Variants in LRP1B observed in about 807,000 individuals in gnomAD.
LRP1B encodes low-density lipoprotein receptor-related protein 1B.
Under a neutral mutation model 556.6 loss-of-function variants are expected in LRP1B, and 217 were observed. The observed-to-expected ratio is 0.39, with a 90% CI of 0.35 to 0.44. LRP1B has a LOEUF of 0.44. Among genes scored for constraint, LRP1B ranks in the 20% least tolerant of loss-of-function variants. The pLI is 1.00. For synonymous variants in LRP1B, 2,047 were observed against 1,865.8 expected (o/e 1.10, Z -2.50); for missense variants, 5,053 against 5,620.8 (o/e 0.90, Z 3.23).
chr2:141,073,718 A>G (rs1699706725), intron 7 of LRP1B, among the ~76,000 whole-genome samples: 1 of 151,970 alleles, frequency 6.6e-6, no homozygotes, highest in Non-Finnish European at 1.5e-5. Context: ...ACTTTGGCAA[A>G]AAGCGCTTCC....
At chr2:141,316,714 G>A (rs547741404) in intron 3 of LRP1B, among the ~76,000 whole-genome samples, 238 of 152,320 alleles carry the variant, frequency 1.6e-3, no homozygotes, top group Non-Finnish European at 2.8e-3. Context: ...TATATCCTCA[G>A]TAAGCAGAAT....
At chr2:141,569,372 C>T (rs1347831949) in intron 2 of LRP1B, among the ~76,000 whole-genome samples, 3 of 150,458 alleles carry the variant, frequency 2.0e-5, no homozygotes, top group African/African-American at 4.9e-5. Context: ...GAAAGGCATT[C>T]CAGTTGAGAA....
chr2:141,613,981 G>A (rs1388662513), intron 2 of LRP1B, among the ~76,000 whole-genome samples: 1 of 134,330 alleles, frequency 7.4e-6, no homozygotes, highest in Non-Finnish European at 1.5e-5. Flanking sequence ...GCTGAGGCAG[G>A]AGAATTGATT....
intron 1 of LRP1B, among the ~76,000 whole-genome samples, chr2:142,004,612 G>C (rs894973856): frequency 1.3e-5 from 2 of 152,116 alleles, no homozygotes; most frequent in Non-Finnish European, 2.9e-5. Flanking sequence ...TTGGGAGGCT[G>C]AGGGGGGTGG....
chr2:140,624,005 A>G (rs1312339319), intron 41 of LRP1B, among the ~76,000 whole-genome samples: 1 of 117,594 alleles, frequency 8.5e-6, no homozygotes, highest in Admixed American at 9.6e-5. Context: ...CTGTTAAAAC[A>G]TATTTTGAAA....
intron 3 of LRP1B, among the ~76,000 whole-genome samples, chr2:141,416,299 T>C (rs763488879): frequency 7.2e-5 from 11 of 152,142 alleles, no homozygotes; most frequent in Non-Finnish European, 1.3e-4. Flanking sequence ...TGACCTTGGC[T>C]AATTACTTAA....
intron 2 of LRP1B, among the ~76,000 whole-genome samples, chr2:141,702,537 A>G (rs978092611): frequency 7.3e-5 from 11 of 151,590 alleles, no homozygotes; most frequent in Non-Finnish European, 8.8e-5. Context: ...GCTGCCAGTT[A>G]ATAGACCTTT....
intron 41 of LRP1B, among the ~76,000 whole-genome samples, chr2:140,610,048 G>T (rs1382786687): frequency 1.2e-4 from 18 of 146,584 alleles, no homozygotes; most frequent in East Asian, 2.0e-4. Flanking sequence ...ACTCAGGTTT[G>T]TTTTTTTTTT....
chr2:141,122,469 C>T (rs1011833524), intron 7 of LRP1B, among the ~76,000 whole-genome samples: 3 of 149,758 alleles, frequency 2.0e-5, no homozygotes, highest in Non-Finnish European at 3.0e-5. Flanking sequence ...CAAAAGAAGA[C>T]ATTTATGCAG....
intron 43 of LRP1B, among the ~76,000 whole-genome samples, chr2:140,568,653 A>C (rs1158166669): frequency 3.3e-5 from 5 of 152,104 alleles, no homozygotes; most frequent in Non-Finnish European, 5.9e-5. Flanking sequence ...AAATATATTC[A>C]ACTCAAAAAA....
intron 1 of LRP1B, among the ~76,000 whole-genome samples, chr2:141,851,629 T>C (rs758987989): frequency 6.6e-6 from 1 of 151,802 alleles, no homozygotes; most frequent in Non-Finnish European, 1.5e-5. Flanking sequence ...CAGATGGGCA[T>C]TGAGTACCTT....
intron 43 of LRP1B, among the ~76,000 whole-genome samples, chr2:140,598,402 G>T (rs1682524823): frequency 6.6e-6 from 1 of 152,102 alleles, no homozygotes; most frequent in Non-Finnish European, 1.5e-5. Flanking sequence ...TCCAGAAAAA[G>T]TTTATGTGTT....
intron 7 of LRP1B, among the ~76,000 whole-genome samples, chr2:141,150,871 G>T (rs1024985824): frequency 8.9e-6 from 1 of 111,960 alleles, no homozygotes; most frequent in Non-Finnish European, 1.8e-5. Context: ...ATGCTGGTTT[G>T]TGTGTGTGTG....
At chr2:141,956,056 T>C (rs907925200) in intron 1 of LRP1B, among the ~76,000 whole-genome samples, 4 of 151,832 alleles carry the variant, frequency 2.6e-5, no homozygotes, top group Non-Finnish European at 5.9e-5. Flanking sequence ...AAAAAATCCC[T>C]GAAGTTATCT....
Position 141,873,650 on chromosome 2 carries a change from T to G in LRP1B, c.83-63249A>C, listed in dbSNP as rs1698663189. On this transcript the variant is annotated intron_variant, in intron 1 of 90. Coordinates refer to ENST00000389484, the MANE Select transcript of LRP1B (RefSeq NM_018557.3). Reference sequence around the variant, plus strand: ...AATAGCAAGAAGCACACTTAGTGCCTGTGTATTGCCTTTTAAAAAGAACCA... The same window carrying G: ...AATAGCAAGAAGCACACTTAGTGCCGGTGTATTGCCTTTTAAAAAGAACCA... Among the ~76,000 whole-genome samples, 3 of 152,136 alleles carry G rather than the reference T, an allele frequency of 2.0e-5. No individual in the cohort carries two copies. The South Asian group carries it at 6.2e-4, about 31-fold the overall frequency.
At chr2:140,627,309 C>A (rs573848985) in intron 41 of LRP1B, among the ~76,000 whole-genome samples, 9 of 152,232 alleles carry the variant, frequency 5.9e-5, no homozygotes, top group African/African-American at 2.2e-4. Context: ...GGCAGACACA[C>A]CCTAATCTGA....
chr2:141,140,841 G>A (rs922195315), intron 7 of LRP1B, among the ~76,000 whole-genome samples: 1 of 152,010 alleles, frequency 6.6e-6, no homozygotes, highest in African/African-American at 2.4e-5. Context: ...ACTGAGATAA[G>A]CATGTAAATA....
chr2:141,387,571 A>T (rs2104898824), intron 3 of LRP1B, among the ~76,000 whole-genome samples: 1 of 152,296 alleles, frequency 6.6e-6, no homozygotes, highest in South Asian at 2.1e-4. Context: ...AGATAAAGTG[A>T]ACAAATTCCT....
intron 83 of LRP1B, among the ~76,000 whole-genome samples, chr2:140,311,857 A>G (rs1481921013): frequency 6.6e-6 from 1 of 151,936 alleles, no homozygotes; most frequent in Non-Finnish European, 1.5e-5. Context: ...TTAAGATATC[A>G]GTTAGGTGAC....
Sources: gnomAD v4.1 joint callset for allele counts (sites outside exome capture counted in the v4.1 genomes callset) on GRCh38, gnomAD v4.1.1 for gene constraint, MANE v1.5 for transcripts, NCBI Gene and HGNC (gene_info 2026-07-23, HGNC 2026-07-21) for gene names.